DLG2: variants seen among roughly 807,000 people sequenced by gnomAD.
The protein encoded by DLG2 is discs large MAGUK scaffold protein 2, also known as disks large homolog 2.
In DLG2, 45 loss-of-function variants were observed where a neutral mutation model predicts 132.5. That is an observed-to-expected ratio of 0.34 (90% CI 0.27 to 0.44). The LOEUF is 0.44. DLG2 is among the 20% of genes least tolerant of loss of function. The pLI is 1.00. For missense variants in DLG2, 1,045 were observed against 1,196.9 expected, an observed-to-expected ratio of 0.87 and a Z score of 1.87; for synonymous variants, 424 against 419.6, an observed-to-expected ratio of 1.01 and a Z score of -0.13.
chr11:85,285,957 G>A lies in DLG2; in HGVS notation c.41-592C>T, dbSNP rs58442624. 420 of 324,996 alleles carry A rather than the reference G, an allele frequency of 1.3e-3. 3 individuals are homozygous for A. Among genetic ancestry groups the A allele is most frequent in the African/African-American group, 8.7e-3 (386 of 44,400 alleles). The allele number at this position is 324,996 out of a possible 1,614,324, so 20.1% of individuals were successfully genotyped here. ...AATAGCACAAAAAGTAAACCTTAAC[G>A]TAGGCAAATTAAAAAAAAAATCATG... is the stretch of plus-strand genomic sequence containing the variant. On this transcript the variant is annotated intron_variant, in intron 3 of 27. Coordinates refer to ENST00000376104, the MANE Select transcript of DLG2 (RefSeq NM_001142699.3).
intron 6 of DLG2, among the ~76,000 whole-genome samples, chr11:84,841,734 A>G (rs991955917): frequency 6.6e-6 from 1 of 151,952 alleles, no homozygotes; most frequent in Non-Finnish European, 1.5e-5. Context: ...TTACAGTATA[A>G]TCAAAGTGCA....
chr11:83,955,046 T>G (rs961287860), intron 14 of DLG2, among the ~76,000 whole-genome samples: 2 of 152,168 alleles, frequency 1.3e-5, no homozygotes. Flanking sequence ...CAAAAAGTGG[T>G]TTTATTTGTA....
chr11:83,689,143 G>A (rs192864893), intron 18 of DLG2, among the ~76,000 whole-genome samples: 1 of 152,110 alleles, frequency 6.6e-6, no homozygotes, highest in Admixed American at 6.6e-5. Context: ...TAGAGGTTGA[G>A]AGCAATGGCA....
intron 7 of DLG2, among the ~76,000 whole-genome samples, chr11:84,383,332 T>A (rs2098755615): frequency 6.6e-6 from 1 of 151,988 alleles, no homozygotes; most frequent in South Asian, 2.1e-4. Context: ...TGACGCCTAA[T>A]ATTTATTTCT....
intron 6 of DLG2, among the ~76,000 whole-genome samples, chr11:84,689,401 A>G (rs981482060): frequency 2.0e-5 from 3 of 152,226 alleles, no homozygotes; most frequent in East Asian, 1.9e-4. Context: ...AAAATAGCAC[A>G]TAAGATGTAC....
chr11:83,899,287 A>G (rs934292635), intron 15 of DLG2, among the ~76,000 whole-genome samples: 1 of 152,146 alleles, frequency 6.6e-6, no homozygotes, highest in Admixed American at 6.5e-5. Context: ...CTGCACTTGG[A>G]TCTCTGTCTC....
chr11:84,095,228 A>C (rs1342435861), intron 10 of DLG2, among the ~76,000 whole-genome samples: 1 of 152,094 alleles, frequency 6.6e-6, no homozygotes, highest in Non-Finnish European at 1.5e-5. Context: ...CAGAGAGGGA[A>C]GGTAAGGAGA....
At chr11:84,446,914 A>G (rs1304796759) in intron 7 of DLG2, among the ~76,000 whole-genome samples, 2 of 152,148 alleles carry the variant, frequency 1.3e-5, no homozygotes, top group African/African-American at 2.4e-5. Flanking sequence ...TGTGGCCATC[A>G]TTATACACAA....
chr11:85,219,088 G>C (rs932349286), intron 4 of DLG2, among the ~76,000 whole-genome samples: 1 of 152,076 alleles, frequency 6.6e-6, no homozygotes, highest in African/African-American at 2.4e-5. Context: ...GGGAGGCAAG[G>C]AGCAGGCATG....
intron 6 of DLG2, among the ~76,000 whole-genome samples, chr11:85,053,009 T>C (rs148443068): frequency 6.6e-6 from 1 of 152,324 alleles, no homozygotes; most frequent in Non-Finnish European, 1.5e-5. Flanking sequence ...TTTTTAAATT[T>C]TTTTCTACAT....
At chr11:83,590,352 A>C (rs2097166658) in intron 19 of DLG2, among the ~76,000 whole-genome samples, 2 of 152,234 alleles carry the variant, frequency 1.3e-5, no homozygotes, top group South Asian at 4.1e-4. Context: ...AAAACCGCTC[A>C]ACTACATGGA....
At chr11:83,805,587 C>A (rs1228752125) in intron 17 of DLG2, among the ~76,000 whole-genome samples, 8 of 152,106 alleles carry the variant, frequency 5.3e-5, no homozygotes, top group African/African-American at 1.9e-4. Flanking sequence ...TCCTCCCTCT[C>A]CCTTTTGTCT....
intron 3 of DLG2, chr11:85,336,309 A>C (rs2082126566): frequency 6.5e-6 from 1 of 153,176 alleles, no homozygotes; most frequent in Non-Finnish European, 1.5e-5. Flanking sequence ...TGGCTGGACA[A>C]GCCCAAATGA....
intron 6 of DLG2, among the ~76,000 whole-genome samples, chr11:84,859,835 TA>T (rs543736442): frequency 6.6e-6 from 1 of 151,842 alleles, no homozygotes; most frequent in African/African-American, 2.4e-5. Flanking sequence ...GAGGCAAGTT[TA>T]AAAAAAATCA....
intron 6 of DLG2, among the ~76,000 whole-genome samples, chr11:84,741,136 C>A (rs539120505): frequency 2.1e-5 from 3 of 144,130 alleles, no homozygotes; most frequent in East Asian, 4.0e-4. Context: ...GCGCGATCTC[C>A]GCTCACTGCA....
chr11:84,185,828 A>G (rs1242419300), intron 8 of DLG2, among the ~76,000 whole-genome samples: 1 of 152,184 alleles, frequency 6.6e-6, no homozygotes, highest in Non-Finnish European at 1.5e-5. Context: ...TATTTAGATT[A>G]TCAATGGAAA....
At chr11:84,475,471 G>T (rs1315670006) in intron 7 of DLG2, among the ~76,000 whole-genome samples, 1 of 152,076 alleles carries the variant, frequency 6.6e-6, no homozygotes, top group Admixed American at 6.6e-5. Flanking sequence ...TGTCTCAGGG[G>T]AATAAAGTGG....
At chr11:84,262,709 C>T (rs987957655) in intron 7 of DLG2, among the ~76,000 whole-genome samples, 12 of 152,064 alleles carry the variant, frequency 7.9e-5, no homozygotes, top group African/African-American at 2.9e-4. Flanking sequence ...CCCCAAAGTC[C>T]ACTGCAACAT....
At chr11:83,963,450 A>G (rs565383767) in intron 13 of DLG2, among the ~76,000 whole-genome samples, 1 of 152,046 alleles carries the variant, frequency 6.6e-6, no homozygotes, top group South Asian at 2.1e-4. Context: ...TTCTCCCAAA[A>G]TATACTCTAT....
Sources: gnomAD v4.1 joint callset for allele counts (sites outside exome capture counted in the v4.1 genomes callset) on GRCh38, gnomAD v4.1.1 for gene constraint, MANE v1.5 for transcripts, NCBI Gene and HGNC (gene_info 2026-07-23, HGNC 2026-07-21) for gene names.